The following BRINP2 variants were observed in gnomAD, a reference collection of about 807,000 sequenced individuals.
BRINP2 encodes the protein BMP/retinoic acid-inducible neural-specific protein 2.
BRINP2 carries 21 observed loss-of-function variants against 69.2 expected under a neutral mutation model. The observed-to-expected ratio is 0.30, with a 90% confidence interval of 0.22 to 0.44. The LOEUF (loss-of-function observed/expected upper bound fraction) is 0.44, where lower values mean the gene tolerates loss of function less well. BRINP2 is among the 20% of genes least tolerant of loss of function. The pLI, the probability that BRINP2 is intolerant of heterozygous loss-of-function variation, is 1.00. For synonymous variants in BRINP2, 380 were observed against 394.1 expected (o/e 0.96, Z 0.42); for missense variants, 877 against 986.0 (o/e 0.89, Z 1.48).
At chr1:177,230,253 C>T (rs930724445) in intron 2 of BRINP2, 108 bp downstream of exon 2, 1 of 1,257,740 alleles carries the variant, frequency 8.0e-7, no homozygotes, top group Non-Finnish European at 1.1e-6. Flanking sequence ...TGCCCTCAAA[C>T]TGAGCTAGAG....
At chr1:177,176,677 G>C (rs1483189561) in intron 1 of BRINP2, among the ~76,000 whole-genome samples, 3 of 151,928 alleles carry the variant, frequency 2.0e-5, no homozygotes, top group Non-Finnish European at 4.4e-5. Flanking sequence ...GAGGGGTCAG[G>C]AGCAGCCCAG....
At chr1:177,172,424 C>T (rs2102282538) in intron 1 of BRINP2, among the ~76,000 whole-genome samples, 1 of 152,274 alleles carries the variant, frequency 6.6e-6, no homozygotes, top group South Asian at 2.1e-4. Context: ...CATCTGGGTA[C>T]ACTGTCGAAT....
At chr1:177,255,621 A>C (rs115588861) in intron 2 of BRINP2, among the ~76,000 whole-genome samples, 2,871 of 152,324 alleles carry the variant, frequency 0.019, 95 homozygotes, top group African/African-American at 0.066. Flanking sequence ...ACTACTCAAC[A>C]CTGTAAACCA....
chr1:177,177,281 A>AAAAC lies in BRINP2; in HGVS notation c.-77+5564_-77+5567dup, dbSNP rs201724870. 2.2e-4 allele frequency among the ~76,000 whole-genome samples: 34 copies of AAAAC among 151,644 alleles called. No individual in the cohort carries two copies. The South Asian group carries it at 5.0e-3, about 22-fold the overall frequency. On this transcript the variant is annotated intron_variant, in intron 1 of 7. Transcript: ENST00000361539. ...GGGCAACAGAGCGAGACTCTTTATA[A>AAAAC]AAACAAACAAACAAACAACAACAAC...
rs111255733 is a variant in BRINP2, at chr1:177,240,975, AT to A, written c.269+10844del. Among the ~76,000 whole-genome samples, 720 of 144,326 alleles carry A rather than the reference AT, an allele frequency of 5.0e-3. 1 individual carries two copies. Among genetic ancestry groups the A allele is most frequent in the African/African-American group, 9.4e-3 (374 of 39,650 alleles). 94.7% of individuals were successfully genotyped at this position (144,326 alleles called of 152,430 possible). A position where few individuals can be genotyped will look rare whatever the true frequency, so the allele number is the denominator to read the frequency against. On this transcript the variant is annotated intron_variant, in intron 2 of 7. Transcript: ENST00000361539. Reference sequence around the variant, plus strand: ...CCATGAGGTGCTCACTGGAGCCAATATTTTTTTTTTTTTTGAGATGGAGTCT... The same window carrying A: ...CCATGAGGTGCTCACTGGAGCCAATATTTTTTTTTTTTTGAGATGGAGTCT...
chr1:177,269,165 T>G (rs952492382), intron 4 of BRINP2, among the ~76,000 whole-genome samples: 1 of 152,186 alleles, frequency 6.6e-6, no homozygotes. Context: ...AGGAGGCCTC[T>G]AGAGCCCTGC....
chr1:177,233,254 C>T (rs1222568604), intron 2 of BRINP2, among the ~76,000 whole-genome samples: 5 of 152,118 alleles, frequency 3.3e-5, no homozygotes, highest in Non-Finnish European at 5.9e-5. Flanking sequence ...GAGTGAAGGT[C>T]CTGGAGCCAG....
At chr1:177,212,854 C>T (rs1184567255) in intron 1 of BRINP2, among the ~76,000 whole-genome samples, 1 of 152,186 alleles carries the variant, frequency 6.6e-6, no homozygotes, top group Non-Finnish European at 1.5e-5. Context: ...AGCACTAATT[C>T]CTTTTAGTGG....
intron 4 of BRINP2, among the ~76,000 whole-genome samples, chr1:177,264,223 T>C (rs945148741): frequency 5.3e-5 from 8 of 152,214 alleles, no homozygotes; most frequent in African/African-American, 1.9e-4. Flanking sequence ...CTTTACACTT[T>C]CCTCACTCTT....
rs1325596993 is a variant in BRINP2, at chr1:177,186,269, A to G, written c.-77+14537A>G. 2.0e-5 allele frequency among the ~76,000 whole-genome samples: 3 copies of G among 152,082 alleles called. No individual in the cohort carries two copies. The East Asian group carries it at 5.8e-4, about 29-fold the overall frequency. ...TATGGATGACACAATTCCAATTCCA[A>G]TTTTGGCCTCTGGCAAGTTGCTTCA... On this transcript the variant is annotated intron_variant, in intron 1 of 7. Transcript: ENST00000361539.
At chr1:177,235,587 G>A (rs1172833724) in intron 2 of BRINP2, among the ~76,000 whole-genome samples, 1 of 152,192 alleles carries the variant, frequency 6.6e-6, no homozygotes, top group Non-Finnish European at 1.5e-5. Context: ...AGCAATCACA[G>A]GAGGAGCTCC....
intron 1 of BRINP2, among the ~76,000 whole-genome samples, chr1:177,218,044 G>A (rs1649427826): frequency 6.6e-6 from 1 of 152,190 alleles, no homozygotes; most frequent in Non-Finnish European, 1.5e-5. Context: ...TCCTCCATGG[G>A]TGAGGTGTGG....
chr1:177,201,373 G>A (rs756705475), intron 1 of BRINP2, among the ~76,000 whole-genome samples: 9 of 152,068 alleles, frequency 5.9e-5, no homozygotes, highest in Non-Finnish European at 5.9e-5. Context: ...GTGTCATAAA[G>A]GACTATTTCT....
chr1:177,208,050 C>T (rs1649114921), intron 1 of BRINP2, among the ~76,000 whole-genome samples: 1 of 152,130 alleles, frequency 6.6e-6, no homozygotes, highest in Admixed American at 6.6e-5. Flanking sequence ...CCCACTCTGG[C>T]CATGAAATGC....
At chr1:177,274,756 G>A (rs905164282) in intron 5 of BRINP2, among the ~76,000 whole-genome samples, 2 of 152,176 alleles carry the variant, frequency 1.3e-5, no homozygotes, top group Admixed American at 6.5e-5. Flanking sequence ...GACTTGGAGA[G>A]GGTGAGTGTT....
intron 1 of BRINP2, among the ~76,000 whole-genome samples, chr1:177,223,072 C>T (rs66800096): frequency 0.41 from 62,316 of 152,032 alleles, 13,033 homozygotes; most frequent in East Asian, 0.55. Flanking sequence ...AGGGAGGCTC[C>T]GGAGTAGAAG....
chr1:177,253,745 TG>T (rs1449550652), intron 2 of BRINP2, among the ~76,000 whole-genome samples: 1 of 152,194 alleles, frequency 6.6e-6, no homozygotes, highest in Non-Finnish European at 1.5e-5. Flanking sequence ...CTTCTGCATG[TG>T]GGTATTATGT....
intron 2 of BRINP2, among the ~76,000 whole-genome samples, chr1:177,245,411 AG>A (rs1379942358): frequency 3.9e-5 from 6 of 152,184 alleles, no homozygotes; most frequent in African/African-American, 1.4e-4. Context: ...AAAATACCAG[AG>A]GGGCTATTTC....
intron 2 of BRINP2, among the ~76,000 whole-genome samples, chr1:177,236,188 T>C (rs986254389): frequency 6.6e-6 from 1 of 152,140 alleles, no homozygotes; most frequent in South Asian, 2.1e-4. Flanking sequence ...TCCTGTAACA[T>C]AAATACCTAA....
Sources: gnomAD v4.1 joint callset for allele counts (sites outside exome capture counted in the v4.1 genomes callset) on GRCh38, gnomAD v4.1.1 for gene constraint, MANE v1.5 for transcripts, NCBI Gene and HGNC (gene_info 2026-07-23, HGNC 2026-07-21) for gene names.